SNX29: variants seen among roughly 807,000 people sequenced by gnomAD.
SNX29 encodes sorting nexin-29.
SNX29 carries 78 observed loss-of-function variants against 102.1 expected under a neutral mutation model. That is an observed-to-expected ratio of 0.76 (90% CI 0.64 to 0.92). The LOEUF is 0.92. SNX29 is among the 40% of genes least tolerant of loss of function. SNX29 has a pLI of 0.00. For missense variants in SNX29, 1,280 were observed against 1,061.7 expected (o/e 1.21, Z -2.86); for synonymous variants, 580 against 414.5 (o/e 1.40, Z -4.85).
intron 14 of SNX29, among the ~76,000 whole-genome samples, chr16:12,219,715 C>G (rs2077424332): frequency 6.6e-6 from 1 of 152,226 alleles, no homozygotes; most frequent in African/African-American, 2.4e-5. Context: ...CAAAGTGACG[C>G]ACAGACCAGT....
intron 13 of SNX29, among the ~76,000 whole-genome samples, chr16:12,187,543 G>GT (rs1287226081): frequency 6.8e-6 from 1 of 148,040 alleles, no homozygotes; most frequent in Non-Finnish European, 1.5e-5. Context: ...GTGAGACTCT[G>GT]TTTAAAAAAA....
At chr16:12,107,587 A>T (rs2141242887) in intron 11 of SNX29, among the ~76,000 whole-genome samples, 1 of 152,238 alleles carries the variant, frequency 6.6e-6, no homozygotes, top group South Asian at 2.1e-4. Context: ...CAGTGAGCTG[A>T]GATGCGTTCC....
intron 18 of SNX29, among the ~76,000 whole-genome samples, chr16:12,412,535 T>A (rs114293338): frequency 1.3e-3 from 202 of 152,268 alleles, no homozygotes; most frequent in African/African-American, 4.6e-3. Flanking sequence ...GACGAGAGTG[T>A]GGAATTGATG....
chr16:12,002,846 A>G, intron 2 of SNX29, 145 bp from the exon 3 acceptor site: 1 of 790,590 alleles, frequency 1.3e-6, no homozygotes, highest in South Asian at 1.8e-5. Flanking sequence ...GCTGATACCC[A>G]GGGGACAGGG....
rs543055273 is a variant in SNX29, at chr16:12,528,103, G to A, written c.2318+3262G>A. Among the ~76,000 whole-genome samples the A allele has an allele frequency of 2.6e-5, 4 of 152,168 alleles. No individual in the cohort carries two copies. The South Asian group carries it at 8.3e-4, about 32-fold the overall frequency. On this transcript the variant is annotated intron_variant, in intron 20 of 20. Coordinates refer to ENST00000566228, the MANE Select transcript of SNX29 (RefSeq NM_032167.5). ...GCCTCCCAAAGTGCTGGGATTACAGGTGTGAGCCACCGCACCTGGCCTGTT... is the reference window on the plus strand; with the variant it reads ...GCCTCCCAAAGTGCTGGGATTACAGATGTGAGCCACCGCACCTGGCCTGTT...
chr16:12,005,125 A>G (rs1309665592), intron 3 of SNX29, among the ~76,000 whole-genome samples: 1 of 152,188 alleles, frequency 6.6e-6, no homozygotes, highest in Non-Finnish European at 1.5e-5. Flanking sequence ...TTAAAATTTT[A>G]CTTCTCAGTG....
chr16:12,284,849 C>G (rs569163662), intron 15 of SNX29, among the ~76,000 whole-genome samples: 4 of 151,964 alleles, frequency 2.6e-5, no homozygotes, highest in African/African-American at 9.7e-5. Flanking sequence ...CTCAGCCTCC[C>G]GAGTAGCTGA....
At chr16:12,561,867 T>C (rs748618703) in intron 20 of SNX29, among the ~76,000 whole-genome samples, 7 of 152,154 alleles carry the variant, frequency 4.6e-5, no homozygotes, top group East Asian at 1.9e-4. Flanking sequence ...TGGGGACTTA[T>C]GGGCTGTCTC....
intron 16 of SNX29, among the ~76,000 whole-genome samples, chr16:12,358,055 C>T (rs2082191327): frequency 6.6e-6 from 1 of 152,222 alleles, no homozygotes; most frequent in South Asian, 2.1e-4. Context: ...ACAGCCATCT[C>T]TTATCACTTC....
At chr16:12,220,609 T>C (rs1462398666) in intron 14 of SNX29, among the ~76,000 whole-genome samples, 1 of 152,248 alleles carries the variant, frequency 6.6e-6, no homozygotes, top group Non-Finnish European at 1.5e-5. Flanking sequence ...GCGTTGTTTC[T>C]GTGCACATCA....
At chr16:12,092,973 T>C (rs1051495890) in intron 11 of SNX29, among the ~76,000 whole-genome samples, 1 of 152,164 alleles carries the variant, frequency 6.6e-6, no homozygotes, top group East Asian at 1.9e-4. Context: ...TTGGCCGATG[T>C]GGGAAGAGGG....
intron 16 of SNX29, among the ~76,000 whole-genome samples, chr16:12,388,056 A>C (rs2083396321): frequency 6.6e-6 from 1 of 152,226 alleles, no homozygotes; most frequent in South Asian, 2.1e-4. Flanking sequence ...CCAGTCATAC[A>C]CATGCTCGGA....
intron 20 of SNX29, among the ~76,000 whole-genome samples, chr16:12,528,185 T>TA (rs1236085451): frequency 6.6e-6 from 1 of 151,604 alleles, no homozygotes; most frequent in Non-Finnish European, 1.5e-5. Flanking sequence ...AGGTGTCAGA[T>TA]AAAAAAATCC....
chr16:12,335,312 G>T (rs972889178), intron 15 of SNX29, among the ~76,000 whole-genome samples: 3 of 152,096 alleles, frequency 2.0e-5, no homozygotes, highest in African/African-American at 7.2e-5. Context: ...AACTCTTGCT[G>T]CTGGGAGTAT....
At chr16:12,533,999 A>G (rs1053044393) in intron 20 of SNX29, among the ~76,000 whole-genome samples, 1 of 152,232 alleles carries the variant, frequency 6.6e-6, no homozygotes, top group African/African-American at 2.4e-5. Context: ...CTGTACCTTA[A>G]AAGCCTTCCA....
At chr16:12,236,364 G>A (rs1596586937) in intron 14 of SNX29, among the ~76,000 whole-genome samples, 2 of 152,132 alleles carry the variant, frequency 1.3e-5, no homozygotes, top group African/African-American at 4.8e-5. Context: ...TCTGTTGAGG[G>A]TGACCTCTTT....
intron 20 of SNX29, among the ~76,000 whole-genome samples, chr16:12,537,279 T>G (rs2077119044): frequency 6.6e-6 from 1 of 152,152 alleles, no homozygotes; most frequent in African/African-American, 2.4e-5. Flanking sequence ...AGGAAACTGG[T>G]TAGTGTGGTA....
rs772229538 is a variant in SNX29 at position 12,570,620 on chromosome 16, T to G, written c.*1991T>G. 1.1e-4 allele frequency: 25 copies of G among 232,016 alleles called. No homozygotes were observed. The highest frequency in any genetic ancestry group is 1.2e-3 in the Middle Eastern group (1 of 808). The allele number at this position is 232,016 out of a possible 1,614,324, so 14.4% of individuals were successfully genotyped here. A position where few individuals can be genotyped will look rare whatever the true frequency, so the allele number is the denominator to read the frequency against. On this transcript the variant is annotated 3_prime_UTR_variant, in exon 21 of 21. Transcript: ENST00000566228. ...CTGGAGGTCATCTCCCTGTTCTCTG[T>G]TGGATAAAGGAACCTCCCCCATCTG...
At chr16:12,132,259 C>G (rs1289571027) in intron 13 of SNX29, among the ~76,000 whole-genome samples, 1 of 152,008 alleles carries the variant, frequency 6.6e-6, no homozygotes, top group Non-Finnish European at 1.5e-5. Context: ...CCACTATGCC[C>G]GGCTAATTTT....
Sources: allele counts gnomAD v4.1 joint callset (sites outside exome capture counted in the v4.1 genomes callset), GRCh38; gene constraint gnomAD v4.1.1; transcripts MANE v1.5; gene names NCBI Gene and HGNC (gene_info 2026-07-23, HGNC 2026-07-21).